FLNB: variants seen among roughly 807,000 people sequenced by gnomAD.
FLNB encodes the protein filamin-B.
Under a neutral mutation model 250.6 loss-of-function variants are expected in FLNB, and 111 were observed. The observed-to-expected ratio is 0.44, with a 90% CI of 0.38 to 0.52. The LOEUF is 0.52. FLNB is among the 20% of genes least tolerant of loss of function. The pLI, the probability that FLNB is intolerant of heterozygous loss-of-function variation, is 0.00. For missense variants in FLNB, 2,869 were observed against 3,447.8 expected, an observed-to-expected ratio of 0.83 and a Z score of 4.20; for synonymous variants, 1,302 against 1,372.1, an observed-to-expected ratio of 0.95 and a Z score of 1.13.
intron 1 of FLNB, among the ~76,000 whole-genome samples, chr3:58,010,814 A>G (rs1204561316): frequency 6.6e-6 from 1 of 152,188 alleles, no homozygotes; most frequent in African/African-American, 2.4e-5. Context: ...GGCAGCAGCT[A>G]CTTCCAGCAC....
intron 19 of FLNB, among the ~76,000 whole-genome samples, chr3:58,119,898 C>G (rs2097285572): frequency 6.6e-6 from 1 of 152,218 alleles, no homozygotes; most frequent in South Asian, 2.1e-4. Flanking sequence ...AAACCTACTT[C>G]TTCGGCCTGC....
In FLNB at chr3:58,104,008, C is replaced by T. The variant is rs371251819; in HGVS notation, c.1533C>T (p.Tyr511=). The T allele has an allele frequency of 8.9e-5, 143 of 1,613,636 alleles. No homozygotes were observed. The highest frequency in any genetic ancestry group is 1.8e-4 in the South Asian group (16 of 91,066). The change falls in exon 10 of 46, where the codon TAC becomes TAT. Residue 511 remains tyrosine (Y), a synonymous_variant. Coordinates refer to ENST00000295956, the MANE Select transcript of FLNB (RefSeq NM_001457.4). ...VKQKDFLDGV[Y]AFEYYPSTPG... is the part of the protein sequence containing the mutation. ...AGAAAGACTTTCTGGATGGGGTCTACGCATTCGAGTATTACCCCAGCACCC... is the reference window on the plus strand; with the variant it reads ...AGAAAGACTTTCTGGATGGGGTCTATGCATTCGAGTATTACCCCAGCACCC...
chr3:58,120,835 G>C (rs2097287634), intron 19 of FLNB, among the ~76,000 whole-genome samples: 1 of 152,188 alleles, frequency 6.6e-6, no homozygotes, highest in Non-Finnish European at 1.5e-5. Context: ...TTGAGTCCCA[G>C]CTTGGCAGGC....
intron 1 of FLNB, among the ~76,000 whole-genome samples, chr3:58,075,695 A>G (rs1042436380): frequency 1.3e-5 from 2 of 152,146 alleles, no homozygotes; most frequent in Non-Finnish European, 2.9e-5. Flanking sequence ...AAAAATGTTT[A>G]TTGGGAGGGT....
chr3:58,106,740 C>A lies in FLNB; in HGVS notation c.1808C>A (p.Ser603Ter). 6.2e-7 allele frequency: 1 copy of A among 1,614,172 alleles called. No individual in the cohort carries two copies. Among genetic ancestry groups the A allele is most frequent in the Non-Finnish European group, 8.5e-7 (1 of 1,180,016 alleles). The change falls in exon 12 of 46, where the codon TCG becomes TAG. Residue 603 changes from serine (S) to a stop codon, truncating the protein, a stop_gained. Coordinates refer to ENST00000295956, the MANE Select transcript of FLNB (RefSeq NM_001457.4). LOFTEE classifies it high-confidence loss of function. Reference sequence around the variant, plus strand: ...GAGTACAACGACCAGAATGATGGATCGTGTGATGTCAAATACTGGCCCAAG... The same window carrying A: ...GAGTACAACGACCAGAATGATGGATAGTGTGATGTCAAATACTGGCCCAAG... ...KIEYNDQNDG[S>*]CDVKYWPKEP... is the part of the protein sequence containing the mutation.
intron 25 of FLNB, chr3:58,131,895 A>G: frequency 7.0e-7 from 1 of 1,425,794 alleles, no homozygotes; most frequent in Non-Finnish European, 9.6e-7. Flanking sequence ...TCTATTATGA[A>G]GGACTCTCAA....
chr3:58,163,062 C>A, intron 42 of FLNB, 92 bp from the exon 43 acceptor site: 1 of 1,263,796 alleles, frequency 7.9e-7, no homozygotes, highest in Non-Finnish European at 1.2e-6. Flanking sequence ...TTTAAATGGG[C>A]CATCTCAGCT....
chr3:58,070,911 A>G (rs540363082), intron 1 of FLNB, among the ~76,000 whole-genome samples: 2 of 149,230 alleles, frequency 1.3e-5, no homozygotes, highest in Non-Finnish European at 3.0e-5. Flanking sequence ...TGGCCTCCCA[A>G]AGTGCTAGGA....
At chr3:58,106,930 C>T in intron 12 of FLNB, 57 bp downstream of exon 12, 1 of 1,493,848 alleles carries the variant, frequency 6.7e-7, no homozygotes, top group South Asian at 1.1e-5. Flanking sequence ...TCCTCACCCC[C>T]ATGCCCGAAG....
chr3:58,016,668 G>A (rs941566883), intron 1 of FLNB, among the ~76,000 whole-genome samples: 3 of 151,836 alleles, frequency 2.0e-5, no homozygotes, highest in East Asian at 1.9e-4. Context: ...GGAGGCTCCC[G>A]TGAAGGTTTG....
intron 1 of FLNB, among the ~76,000 whole-genome samples, chr3:58,033,038 A>T (rs1182599547): frequency 6.6e-6 from 1 of 152,084 alleles, no homozygotes. Flanking sequence ...GCATGACTGC[A>T]CTCCAGCCTG....
At chr3:58,052,163 T>C (rs13324916) in intron 1 of FLNB, among the ~76,000 whole-genome samples, 8,678 of 152,194 alleles carry the variant, frequency 0.057, 788 homozygotes, top group African/African-American at 0.2. Flanking sequence ...GCTGGGATTA[T>C]GGGTGTGAGC....
intron 1 of FLNB, among the ~76,000 whole-genome samples, chr3:58,070,049 C>CTTTTT (rs10639474): frequency 5.2e-5 from 7 of 134,982 alleles, no homozygotes; most frequent in African/African-American, 8.3e-5. Context: ...CTCTTTCTTT[C>CTTTTT]TTTTTTTTTT....
At chr3:58,150,665 G>A (rs1422749052) in intron 38 of FLNB, 1 of 260,186 alleles carries the variant, frequency 3.8e-6, no homozygotes, top group Non-Finnish European at 7.5e-6. Flanking sequence ...TGCAGAACTC[G>A]CTGGGCCACA....
At chr3:58,152,894 G>A (rs371365377) in intron 38 of FLNB, 7 of 379,380 alleles carry the variant, frequency 1.8e-5, no homozygotes, top group Middle Eastern at 5.8e-4. Context: ...TTGCGTCCTA[G>A]CACTGGTGAC....
Position 58,066,217 on chromosome 3 carries a change from CT to C in FLNB, c.293-10815del, listed in dbSNP as rs754973485. 5.6e-3 allele frequency among the ~76,000 whole-genome samples: 771 copies of C among 138,144 alleles called. 3 individuals carry two copies. Among genetic ancestry groups the C allele is most frequent in the Non-Finnish European group, 7.9e-3 (502 of 63,766 alleles). 90.6% of individuals were successfully genotyped at this position (138,144 alleles called of 152,430 possible). Reference sequence around the variant, plus strand: ...TTTAAGTTTTCTTTTTTCTTTTTTTCTTTTTTTTTTTTTTGAGACAGAGTTT... The same window carrying C: ...TTTAAGTTTTCTTTTTTCTTTTTTTCTTTTTTTTTTTTTGAGACAGAGTTT... On this transcript the variant is annotated intron_variant, in intron 1 of 45. Transcript: ENST00000295956.
At chr3:58,069,221 G>C (rs60739951) in intron 1 of FLNB, among the ~76,000 whole-genome samples, 304 of 143,950 alleles carry the variant, frequency 2.1e-3, no homozygotes, top group African/African-American at 7.3e-3. Context: ...TAAAATATCA[G>C]TAGTTCAATT....
In FLNB at chr3:58,169,866, C is replaced by G. The variant is rs1262572592; in HGVS notation, c.7621+73C>G. Reference sequence around the variant, plus strand: ...GGGCACCCTGGGTACACTGGCCTTCCCTGCTGAGGTCTCCTGCAGTGCCCA... The same window carrying G: ...GGGCACCCTGGGTACACTGGCCTTCGCTGCTGAGGTCTCCTGCAGTGCCCA... On this transcript the variant is annotated intron_variant, in intron 45 of 45. Transcript: ENST00000295956. The surrounding 1 kb of genome is among the most constrained non-coding windows in gnomAD (Gnocchi z 4.8). 1 of 1,280,450 alleles carries G rather than the reference C, an allele frequency of 7.8e-7. No individual in the cohort carries two copies. The highest frequency in any genetic ancestry group is 1.5e-5 in the African/African-American group (1 of 68,464). 79.3% of individuals were successfully genotyped at this position (1,280,450 alleles called of 1,614,324 possible). A position where few individuals can be genotyped will look rare whatever the true frequency, so the allele number is the denominator to read the frequency against.
chr3:58,069,437 C>T (rs1215286097), intron 1 of FLNB, among the ~76,000 whole-genome samples: 3 of 152,080 alleles, frequency 2.0e-5, no homozygotes, highest in South Asian at 2.1e-4. Flanking sequence ...GACAGGGTTT[C>T]ACCATATTGT....
Sources: gnomAD v4.1 joint callset for allele counts (sites outside exome capture counted in the v4.1 genomes callset) on GRCh38, gnomAD v4.1.1 for gene constraint, Gnocchi (gnomAD v3.1) non-coding constraint, MANE v1.5 for transcripts, NCBI Gene and HGNC (gene_info 2026-07-23, HGNC 2026-07-21) for gene names.